Variants in PSPH observed in about 807,000 individuals in gnomAD.
PSPH encodes the protein phosphoserine phosphatase, also known as L-3-phosphoserine phosphatase.
A neutral mutation model predicts 23.4 loss-of-function variants in PSPH; 16 were observed. The observed-to-expected ratio is 0.68, with a 90% confidence interval of 0.46 to 1.04. PSPH has a LOEUF of 1.04. PSPH is among the 50% of genes least tolerant of loss of function. The probability of loss-of-function intolerance (pLI) is 0.00; values close to 1 mark genes in which losing one functional copy is unlikely to be tolerated. For synonymous variants in PSPH, 68 were observed against 99.7 expected (o/e 0.68, Z 1.89); for missense variants, 223 against 273.7 (o/e 0.81, Z 1.31).
At chr7:56,036,720 G>C (rs1279602763) in intron 1 of PSPH, among the ~76,000 whole-genome samples, 2 of 152,144 alleles carry the variant, frequency 1.3e-5, no homozygotes, top group African/African-American at 4.8e-5. Flanking sequence ...ATACTTGTGA[G>C]CATGAGATGG....
chr7:56,017,363 G>T lies in PSPH; in HGVS notation c.292C>A (p.Leu98Ile), dbSNP rs1788693647. The change falls in exon 6 of 8, where the codon CTA becomes ATA. Residue 98 changes from leucine (L) to isoleucine (I), a missense_variant. Transcript: ENST00000275605. ...AAAACCTGAACATTTCGCTCCTGTAGGCGACTTACCAGCTCCCTGCAAAAT... is the reference window on the plus strand; with the variant it reads ...AAAACCTGAACATTTCGCTCCTGTATGCGACTTACCAGCTCCCTGCAAAAT... ...TPGIRELVSRLQERNVQVFLI... is the reference protein window; with the variant it reads ...TPGIRELVSRIQERNVQVFLI... 4.3e-6 allele frequency: 7 copies of T among 1,611,490 alleles called. No homozygotes were observed. The highest frequency in any genetic ancestry group is 5.9e-6 in the Non-Finnish European group (7 of 1,178,908).
At chr7:56,017,121 A>G (rs1001238133) in intron 6 of PSPH, 113 bp downstream of exon 6, 4 of 1,537,374 alleles carry the variant, frequency 2.6e-6, no homozygotes, top group Non-Finnish European at 2.7e-6. Flanking sequence ...AGAACCATTC[A>G]TCTCAATATT....
chr7:56,025,724 G>C (rs1790099166), intron 3 of PSPH, among the ~76,000 whole-genome samples: 1 of 152,132 alleles, frequency 6.6e-6, no homozygotes, highest in African/African-American at 2.4e-5. Context: ...GTTCTGAGTA[G>C]TTGAGACTAT....
intron 3 of PSPH, among the ~76,000 whole-genome samples, chr7:56,024,978 AT>A (rs1194754023): frequency 1.3e-5 from 2 of 151,360 alleles, no homozygotes; most frequent in African/African-American, 4.9e-5. Context: ...TAATTTTTGC[AT>A]TTTTAGTAGA....
chr7:56,022,928 G>C (rs1789670018), intron 3 of PSPH, among the ~76,000 whole-genome samples: 1 of 152,072 alleles, frequency 6.6e-6, no homozygotes, highest in Non-Finnish European at 1.5e-5. Flanking sequence ...GCAGGATGGC[G>C]TGCACCTGTA....
intron 3 of PSPH, among the ~76,000 whole-genome samples, chr7:56,026,437 T>C (rs1282719089): frequency 1.4e-5 from 2 of 144,510 alleles, no homozygotes; most frequent in African/African-American, 5.1e-5. Flanking sequence ...TAAGCCGAGA[T>C]TGCACCACTG....
intron 1 of PSPH, among the ~76,000 whole-genome samples, chr7:56,039,633 G>C (rs1372868246): frequency 6.6e-6 from 1 of 150,882 alleles, no homozygotes; most frequent in African/African-American, 2.4e-5. Context: ...AAAATTAGCT[G>C]GGCATGGTAG....
chr7:56,021,126 T>G lies in PSPH; in HGVS notation c.87A>C (p.Glu29Asp). The G allele has an allele frequency of 6.2e-7, 1 of 1,614,256 alleles. No homozygotes were observed. Among genetic ancestry groups the G allele is most frequent in the Non-Finnish European group, 8.5e-7 (1 of 1,180,040 alleles). Residue 29 changes from glutamate (E) to aspartate (D), a missense_variant, in exon 4 of 8, where the codon GAA (glutamate) becomes GAC (aspartate). Glu to Asp is a conservative substitution (Grantham distance 45, BLOSUM62 2). Transcript: ENST00000275605. ...AGATTTTGGCTAGCTCATCGATTCCTTCTTCTCTGATGACCGTGCTGTCAA... is the reference window on the plus strand; with the variant it reads ...AGATTTTGGCTAGCTCATCGATTCCGTCTTCTCTGATGACCGTGCTGTCAA... The part of the protein sequence containing the change: ...FDVDSTVIRE[E>D]GIDELAKICG...
At chr7:56,039,733 A>T (rs1040715444) in intron 1 of PSPH, among the ~76,000 whole-genome samples, 1 of 144,046 alleles carries the variant, frequency 6.9e-6, no homozygotes, top group African/African-American at 2.6e-5. Context: ...CCGAGATTGC[A>T]CCACTGCACT....
At chr7:56,046,699 A>G (rs1373313470) in intron 1 of PSPH, among the ~76,000 whole-genome samples, 7 of 151,024 alleles carry the variant, frequency 4.6e-5, no homozygotes, top group African/African-American at 1.5e-4. Flanking sequence ...CAGGAGAATC[A>G]CTTGAACCCA....
chr7:56,021,944 C>G (rs1420273070), intron 3 of PSPH, among the ~76,000 whole-genome samples: 2 of 115,622 alleles, frequency 1.7e-5, no homozygotes, highest in African/African-American at 6.4e-5. Context: ...AGCGAGACTC[C>G]GTCTCAAAAA....
chr7:56,047,210 C>G (rs1359560229), intron 1 of PSPH, among the ~76,000 whole-genome samples: 1 of 151,272 alleles, frequency 6.6e-6, no homozygotes, highest in African/African-American at 2.4e-5. Flanking sequence ...ATAGCATGAC[C>G]TTCTCTCTAC....
intron 6 of PSPH, among the ~76,000 whole-genome samples, chr7:56,016,137 G>A (rs568185442): frequency 1.3e-5 from 2 of 150,756 alleles, no homozygotes; most frequent in South Asian, 2.2e-4. Context: ...AGTGGCTCAC[G>A]CCTGTAATCC....
intron 3 of PSPH, among the ~76,000 whole-genome samples, chr7:56,031,181 G>A (rs369279659): frequency 5.3e-5 from 8 of 150,408 alleles, no homozygotes; most frequent in East Asian, 2.0e-4. Flanking sequence ...ACTGCAGTCC[G>A]CAGTCTGGCC....
chr7:56,034,586 G>A (rs1791475306), intron 1 of PSPH, among the ~76,000 whole-genome samples: 1 of 152,102 alleles, frequency 6.6e-6, no homozygotes, highest in African/African-American at 2.4e-5. Context: ...CACGATCTCG[G>A]CTCACTGCAA....
At chr7:56,036,544 A>ACCTGAGGTCAGGAG (rs1791749730) in intron 1 of PSPH, among the ~76,000 whole-genome samples, 2 of 151,884 alleles carry the variant, frequency 1.3e-5, no homozygotes, top group South Asian at 2.1e-4. Context: ...CGGGAGGATC[A>ACCTGAGGTCAGGAG]TTTGAGCCCA....
At chr7:56,033,619 G>A (rs1042979377) in intron 2 of PSPH, 1 of 152,018 alleles carries the variant, frequency 6.6e-6, no homozygotes, top group Non-Finnish European at 1.5e-5. Context: ...CAATGTATCT[G>A]GTAAGTACTT....
chr7:56,043,770 G>T (rs1336344307), intron 1 of PSPH, among the ~76,000 whole-genome samples: 9 of 151,748 alleles, frequency 5.9e-5, no homozygotes, highest in Non-Finnish European at 2.9e-5. Flanking sequence ...GGAAGCTGCA[G>T]TGAGCTGTGA....
chr7:56,021,077 C>A lies in PSPH; in HGVS notation c.136G>T (p.Glu46Ter). Residue 46 changes from glutamate (E) to a stop codon, truncating the protein, a stop_gained, in exon 4 of 8, where the codon GAA becomes TAA. Coordinates refer to ENST00000275605, the MANE Select transcript of PSPH (RefSeq NM_004577.4). LOFTEE classifies it high-confidence loss of function. The stretch of plus-strand genomic sequence containing the variant: ...GTGAATAAATGCTATCCCTACATTT[C>A]TGACACCGCGTCCTCAACGCCACAG... ...KICGVEDAVS[E>*]MTRRAMGGAV... is the part of the protein sequence containing the mutation. The A allele has an allele frequency of 6.2e-7, 1 of 1,613,888 alleles. No homozygotes were observed.
Sources: allele counts gnomAD v4.1 joint callset (sites outside exome capture counted in the v4.1 genomes callset), GRCh38; gene constraint gnomAD v4.1.1; transcripts MANE v1.5; gene names NCBI Gene and HGNC (gene_info 2026-07-23, HGNC 2026-07-21).